Variants in CACNA1G observed in about 807,000 individuals in gnomAD.
CACNA1G encodes the protein voltage-dependent T-type calcium channel subunit alpha-1G.
CACNA1G carries 67 observed loss-of-function variants against 219.4 expected under a neutral mutation model. That is an observed-to-expected ratio of 0.31 (90% CI 0.25 to 0.37). The LOEUF (loss-of-function observed/expected upper bound fraction) is 0.37, where lower values mean the gene tolerates loss of function less well. Ranked by LOEUF, CACNA1G falls within the 10% of genes least tolerant of loss-of-function variation. CACNA1G has a pLI of 1.00. For synonymous variants in CACNA1G, 1,296 were observed against 1,345.3 expected (o/e 0.96, Z 0.80); for missense variants, 2,380 against 3,231.4 (o/e 0.74, Z 6.39).
chr17:50,581,490 C>T (rs2041954522), intron 9 of CACNA1G, among the ~76,000 whole-genome samples: 2 of 152,114 alleles, frequency 1.3e-5, no homozygotes, highest in African/African-American at 4.8e-5. Context: ...CTCCCCAGGC[C>T]CTGTCCTCTC....
intron 9 of CACNA1G, among the ~76,000 whole-genome samples, chr17:50,588,725 C>T (rs1022860129): frequency 2.0e-5 from 3 of 152,258 alleles, no homozygotes; most frequent in Non-Finnish European, 2.9e-5. Context: ...CAGCCACTCC[C>T]CCTCTGCATA....
intron 1 of CACNA1G, among the ~76,000 whole-genome samples, chr17:50,565,632 C>T (rs761894462): frequency 6.6e-5 from 10 of 152,120 alleles, no homozygotes; most frequent in South Asian, 4.1e-4. Flanking sequence ...GGAATGGGGC[C>T]GCTGGAGGGC....
chr17:50,575,202 G>A (rs538178986), intron 7 of CACNA1G, among the ~76,000 whole-genome samples: 1 of 152,284 alleles, frequency 6.6e-6, no homozygotes, highest in Admixed American at 6.5e-5. Flanking sequence ...GCAGGTGTGC[G>A]TGTTTAGGGA....
chr17:50,612,984 G>T (rs1199977059), intron 26 of CACNA1G, among the ~76,000 whole-genome samples: 1 of 152,226 alleles, frequency 6.6e-6, no homozygotes, highest in Admixed American at 6.5e-5. Flanking sequence ...CTGGGTGCTT[G>T]CCTGCAGAGC....
rs573021 is a variant in CACNA1G, at chr17:50,565,143, G to A, written c.242+3442G>A. Among the ~76,000 whole-genome samples the A allele has an allele frequency of 2.9e-4, 22 of 77,180 alleles. No homozygotes were observed. The South Asian group carries it at 3.1e-3, about 11-fold the overall frequency. 50.6% of individuals were successfully genotyped at this position (77,180 alleles called of 152,430 possible). A position where few individuals can be genotyped will look rare whatever the true frequency, so the allele number is the denominator to read the frequency against. On this transcript the variant is annotated intron_variant, in intron 1 of 37. Transcript: ENST00000359106. The stretch of plus-strand genomic sequence containing the variant: ...TGCGCACGCGCGCGCACACACACAC[G>A]CGCACACACACACACAGAGTCACAG...
At chr17:50,598,964 G>A (rs965549891) in intron 16 of CACNA1G, among the ~76,000 whole-genome samples, 2 of 152,192 alleles carry the variant, frequency 1.3e-5, no homozygotes, top group African/African-American at 4.8e-5. Context: ...CTGGCCTCAG[G>A]TGATCTGCCC....
intron 5 of CACNA1G, 92 bp from the exon 6 acceptor site, chr17:50,572,462 C>A: frequency 8.9e-7 from 1 of 1,120,624 alleles, no homozygotes; most frequent in Admixed American, 2.8e-5. Context: ...CCCTATATGC[C>A]TCGAGCACTC....
At chr17:50,563,801 A>C (rs2036790238) in intron 1 of CACNA1G, 1 of 152,176 alleles carries the variant, frequency 6.6e-6, no homozygotes, top group African/African-American at 2.4e-5. Context: ...ATGGGTTGAG[A>C]ACAATTTTTT....
At chr17:50,592,330 G>A (rs1368287159) in intron 13 of CACNA1G, among the ~76,000 whole-genome samples, 5 of 152,180 alleles carry the variant, frequency 3.3e-5, no homozygotes, top group Admixed American at 6.5e-5. Context: ...CTTAGCTACC[G>A]AGTAGACATC....
rs1244177575 is a variant in CACNA1G, at chr17:50,603,257, TC to T, written c.4169+59del. 2 of 1,438,664 alleles carry T rather than the reference TC, an allele frequency of 1.4e-6. No individual in the cohort carries two copies. Among genetic ancestry groups the T allele is most frequent in the Non-Finnish European group, 1.9e-6 (2 of 1,057,068 alleles). The allele number at this position is 1,438,664 out of a possible 1,614,324, so 89.1% of individuals were successfully genotyped here. A position where few individuals can be genotyped will look rare whatever the true frequency, so the allele number is the denominator to read the frequency against. The stretch of plus-strand genomic sequence containing the variant: ...AGAGGTGGCCCCCTCCGCAGGGACA[TC>T]TCCCACCGCCAGCACTCCCTGCCAC... On this transcript the variant is annotated intron_variant, in intron 21 of 37. Coordinates refer to ENST00000359106, the MANE Select transcript of CACNA1G (RefSeq NM_018896.5). The surrounding 1 kb of genome is among the most constrained non-coding windows in gnomAD (Gnocchi z 6.4).
intron 9 of CACNA1G, among the ~76,000 whole-genome samples, chr17:50,582,979 G>A (rs2042257464): frequency 6.6e-6 from 1 of 152,158 alleles, no homozygotes; most frequent in Non-Finnish European, 1.5e-5. Context: ...GGCTGTTCAA[G>A]GCGAGAGAAG....
At chr17:50,601,452 G>A (rs1419796599) in intron 19 of CACNA1G, among the ~76,000 whole-genome samples, 3 of 152,204 alleles carry the variant, frequency 2.0e-5, no homozygotes, top group African/African-American at 7.2e-5. Flanking sequence ...TGGGGCACAC[G>A]CGTGAGTCGG....
At chr17:50,588,022 A>G (rs768146114) in intron 9 of CACNA1G, among the ~76,000 whole-genome samples, 9 of 152,114 alleles carry the variant, frequency 5.9e-5, no homozygotes, top group Non-Finnish European at 1.2e-4. Flanking sequence ...CATGACATCA[A>G]AAGCTACTGT....
At chr17:50,608,189 C>T (rs147460682) in intron 25 of CACNA1G, 170 bp downstream of exon 25, 23 of 655,840 alleles carry the variant, frequency 3.5e-5, no homozygotes, top group Middle Eastern at 3.1e-4. Flanking sequence ...GCCTTTAGAG[C>T]GAGCATGAAG....
At chr17:50,568,716 T>C (rs976413320) in intron 1 of CACNA1G, among the ~76,000 whole-genome samples, 154 bp from the exon 2 acceptor site, 1 of 152,142 alleles carries the variant, frequency 6.6e-6, no homozygotes, top group Non-Finnish European at 1.5e-5. Context: ...AGTCTGGGGC[T>C]GGGGGCTGGT....
Position 50,618,415 on chromosome 17 carries a change from TGAATTGG to T in CACNA1G, c.5427+73_5427+79del. 1 of 1,576,948 alleles carries T rather than the reference TGAATTGG, an allele frequency of 6.3e-7. No homozygotes were observed. The highest frequency in any genetic ancestry group is 8.7e-7 in the Non-Finnish European group (1 of 1,153,102). Reference sequence around the variant, plus strand: ...CCTGAGCTAGGATTCCTTGGGAAGATGAATTGGCCACAAATAAAAGCATGTGACCTTC... The same window carrying T: ...CCTGAGCTAGGATTCCTTGGGAAGATCCACAAATAAAAGCATGTGACCTTC... On this transcript the variant is annotated intron_variant, in intron 32 of 37. Coordinates refer to ENST00000359106, the MANE Select transcript of CACNA1G (RefSeq NM_018896.5). This position sits in a 1 kb window ranked among gnomAD's most constrained non-coding sequence, Gnocchi z 5.3.
intron 16 of CACNA1G, among the ~76,000 whole-genome samples, chr17:50,598,913 A>G (rs374983590): frequency 6.6e-5 from 10 of 152,246 alleles, no homozygotes; most frequent in African/African-American, 2.4e-4. Context: ...TTTTTAGTAG[A>G]GATGGGGTTT....
Position 50,591,799 on chromosome 17 carries a change from G to T in CACNA1G, c.2700G>T (p.Leu900=). The T allele has an allele frequency of 1.2e-6, 2 of 1,613,976 alleles. No individual in the cohort carries two copies. Among genetic ancestry groups the T allele is most frequent in the Non-Finnish European group, 1.7e-6 (2 of 1,179,876 alleles). Residue 900 remains leucine, a synonymous_variant, in exon 12 of 38, where the codon CTG becomes CTT. Transcript: ENST00000359106. ...KFASERDGDT[L]PDRKNFDSLL... The stretch of plus-strand genomic sequence containing the variant: ...CCTCTGAGCGGGATGGGGACACCCT[G>T]CCAGACCGGAAGAATTTTGACTCCT...
At position 50,606,544 on chromosome 17, in the gene CACNA1G, C is replaced by A. The variant is rs928036030; in HGVS notation, c.4423-356C>A. The A allele has an allele frequency of 1.4e-5, 8 of 552,198 alleles. No individual in the cohort carries two copies. The Admixed American group carries it at 1.6e-4, about 11-fold the overall frequency. 34.2% of individuals were successfully genotyped at this position (552,198 alleles called of 1,614,324 possible). ...GGACGGATATATTGTCAAGATAATT[C>A]CTTTCCTCACTCCATATTTGCAGAA... On this transcript the variant is annotated intron_variant, in intron 23 of 37. Transcript: ENST00000359106.
Sources: gnomAD v4.1 joint callset for allele counts (sites outside exome capture counted in the v4.1 genomes callset) on GRCh38, gnomAD v4.1.1 for gene constraint, Gnocchi (gnomAD v3.1) non-coding constraint, MANE v1.5 for transcripts, NCBI Gene and HGNC (gene_info 2026-07-23, HGNC 2026-07-21) for gene names.